The following RAPH1 variants were observed in gnomAD, a reference collection of about 807,000 sequenced individuals.
RAPH1 encodes ras-associated and pleckstrin homology domains-containing protein 1.
RAPH1 carries 18 observed loss-of-function variants against 88.1 expected under a neutral mutation model. The observed-to-expected ratio is 0.20, with a 90% CI of 0.14 to 0.30. The LOEUF is 0.30. Ranked by LOEUF, RAPH1 falls within the 10% of genes least tolerant of loss-of-function variation. The pLI, the probability that RAPH1 is intolerant of heterozygous loss-of-function variation, is 1.00. For synonymous variants in RAPH1, 587 were observed against 559.0 expected (o/e 1.05, Z -0.71); for missense variants, 1,448 against 1,543.2 (o/e 0.94, Z 1.03).
intron 4 of RAPH1, among the ~76,000 whole-genome samples, chr2:203,469,163 A>G (rs960975120): frequency 2.0e-5 from 3 of 152,220 alleles, no homozygotes; most frequent in African/African-American, 4.8e-5. Flanking sequence ...TAGAGATCCT[A>G]GCTGAAGATA....
In RAPH1 at chr2:203,434,547, G is replaced by C. The variant is rs2098496783; in HGVS notation, c.*4890C>G. 6.7e-6 allele frequency: 1 copy of C among 149,414 alleles called. No homozygotes were observed. The highest frequency in any genetic ancestry group is 1.5e-5 in the Non-Finnish European group (1 of 67,874). The allele number at this position is 149,414 out of a possible 1,614,324, so 9.3% of individuals were successfully genotyped here. On this transcript the variant is annotated 3_prime_UTR_variant, in exon 14 of 14. Transcript: ENST00000319170. ...TCCAGTTAATGCTTATTTTCTAGAA[G>C]GGGTTATTTTACAAGTAGCAAAAAA...
intron 4 of RAPH1, among the ~76,000 whole-genome samples, chr2:203,470,574 A>G (rs2098532181): frequency 6.6e-6 from 1 of 152,200 alleles, no homozygotes; most frequent in Non-Finnish European, 1.5e-5. Context: ...CTTTGGGAAA[A>G]TGGGTAGTAC....
At chr2:203,509,976 C>T (rs888030590) in intron 1 of RAPH1, among the ~76,000 whole-genome samples, 15 of 152,112 alleles carry the variant, frequency 9.9e-5, no homozygotes, top group African/African-American at 3.6e-4. Flanking sequence ...CAGATGCCAG[C>T]ATCATGCTTC....
rs2098500735 is a variant in RAPH1 at position 203,439,039 on chromosome 2, TG to T, written c.*397del. 1 of 178,058 alleles carries T rather than the reference TG, an allele frequency of 5.6e-6. No individual in the cohort carries two copies. The highest frequency in any genetic ancestry group is 2.3e-5 in the African/African-American group (1 of 42,592). The allele number at this position is 178,058 out of a possible 1,614,324, so 11.0% of individuals were successfully genotyped here. A position where few individuals can be genotyped will look rare whatever the true frequency, so the allele number is the denominator to read the frequency against. The stretch of plus-strand genomic sequence containing the variant: ...ACAACATGCACGAATAGGCTACACA[TG>T]GACAGACACTTATAAATACCTTCTA... On this transcript the variant is annotated 3_prime_UTR_variant, in exon 14 of 14. Coordinates refer to ENST00000319170, the MANE Select transcript of RAPH1 (RefSeq NM_213589.3).
chr2:203,487,443 C>T (rs1002825548), intron 4 of RAPH1, among the ~76,000 whole-genome samples: 4 of 151,142 alleles, frequency 2.6e-5, no homozygotes, highest in South Asian at 2.1e-4. Context: ...TGCAGTGGCA[C>T]GATCTTGGCT....
chr2:203,454,694 A>C (rs1185293833), intron 9 of RAPH1, among the ~76,000 whole-genome samples, 154 bp from the exon 10 acceptor site: 2 of 152,228 alleles, frequency 1.3e-5, no homozygotes, highest in African/African-American at 4.8e-5. Flanking sequence ...ATGCTCCATA[A>C]ATGTTTCTTC....
intron 1 of RAPH1, among the ~76,000 whole-genome samples, chr2:203,530,678 G>A (rs1486278544): frequency 2.0e-5 from 3 of 152,100 alleles, no homozygotes; most frequent in Non-Finnish European, 4.4e-5. Context: ...GATCACCTGA[G>A]GTCAGGAGTT....
Position 203,439,735 on chromosome 2 carries a change from G to A in RAPH1, c.3455C>T (p.Pro1152Leu), listed in dbSNP as rs771371912. The A allele has an allele frequency of 5.6e-6, 9 of 1,614,112 alleles. No homozygotes were observed. The highest frequency in any genetic ancestry group is 7.6e-6 in the Non-Finnish European group (9 of 1,180,028). ...PTMATVVPQV[P>L]TSPKSSLSVQ... ...ACTAAGGCTGGATTTGGGAGAGGTG[G>A]GCACTTGTGGCACAACTGTGGCCAT... The change falls in exon 14 of 14, where the codon CCC becomes CTC. Residue 1152 changes from proline to leucine, a missense_variant. Transcript: ENST00000319170.
At chr2:203,524,715 G>A (rs983515309) in intron 1 of RAPH1, among the ~76,000 whole-genome samples, 2 of 152,148 alleles carry the variant, frequency 1.3e-5, no homozygotes, top group Non-Finnish European at 2.9e-5. Context: ...TAAGACAGGG[G>A]TAGAGGGGGA....
At chr2:203,487,932 G>GA (rs368131817) in intron 4 of RAPH1, among the ~76,000 whole-genome samples, 11 of 149,560 alleles carry the variant, frequency 7.4e-5, no homozygotes, top group East Asian at 1.9e-4. Context: ...AATAAGTTAC[G>GA]AAAAAAAAAT....
intron 4 of RAPH1, among the ~76,000 whole-genome samples, chr2:203,478,545 A>C (rs1687580471): frequency 6.6e-6 from 1 of 151,470 alleles, no homozygotes; most frequent in South Asian, 2.1e-4. Context: ...GCTGGACTGC[A>C]GTGGCACGAT....
chr2:203,514,747 G>A (rs976514889), intron 1 of RAPH1, among the ~76,000 whole-genome samples: 2 of 151,974 alleles, frequency 1.3e-5, no homozygotes, highest in African/African-American at 4.8e-5. Flanking sequence ...GTAGAGACGA[G>A]GTTTCACCGT....
At chr2:203,499,541 G>C (rs1351226854) in intron 1 of RAPH1, among the ~76,000 whole-genome samples, 2 of 152,028 alleles carry the variant, frequency 1.3e-5, no homozygotes, top group East Asian at 1.9e-4. Flanking sequence ...GGCCAAGATA[G>C]TGAAACCCCG....
intron 4 of RAPH1, among the ~76,000 whole-genome samples, chr2:203,484,616 G>T (rs1687881982): frequency 2.0e-5 from 3 of 152,248 alleles, no homozygotes; most frequent in Admixed American, 2.0e-4. Context: ...AAGAGAAGCT[G>T]AATGCTGGGC....
In RAPH1 at chr2:203,448,939, A is replaced by T; in HGVS notation, c.1414-103T>A. On this transcript the variant is annotated intron_variant, in intron 10 of 13. Coordinates refer to ENST00000319170, the MANE Select transcript of RAPH1 (RefSeq NM_213589.3). The surrounding 1 kb of genome is among the most constrained non-coding windows in gnomAD (Gnocchi z 4.1). ...ATCCTGACAAGTTATAGGCCATTAG[A>T]GTAATGGCCAATACATTTATGCTTC... The T allele has an allele frequency of 1.7e-6, 1 of 602,014 alleles. No individual in the cohort carries two copies. The highest frequency in any genetic ancestry group is 2.8e-6 in the Non-Finnish European group (1 of 358,500). 37.3% of individuals were successfully genotyped at this position (602,014 alleles called of 1,614,324 possible). A position where few individuals can be genotyped will look rare whatever the true frequency, so the allele number is the denominator to read the frequency against.
intron 4 of RAPH1, among the ~76,000 whole-genome samples, chr2:203,485,052 G>A (rs1321370666): frequency 2.0e-5 from 3 of 152,132 alleles, no homozygotes; most frequent in African/African-American, 4.8e-5. Flanking sequence ...CCTTTTAACA[G>A]CCAATGAGGT....
At chr2:203,455,649 C>A in intron 8 of RAPH1, 69 bp from the exon 9 acceptor site, 1 of 1,423,610 alleles carries the variant, frequency 7.0e-7, no homozygotes, top group Non-Finnish European at 9.7e-7. Context: ...GTGTTTACTC[C>A]TGTGAAATGC....
Position 203,439,677 on chromosome 2 carries a change from C to G in RAPH1, c.3513G>C (p.Arg1171Ser). Residue 1171 changes from arginine to serine, a missense_variant, in exon 14 of 14, where the codon AGG (arginine) becomes AGC (serine). Arg to Ser is a moderately radical substitution (Grantham distance 110, BLOSUM62 -1). Around this residue, in one of 2 missense-constraint regions of RAPH1, gnomAD observed 935 missense variants for 890.1 expected, o/e 1.05. Coordinates refer to ENST00000319170, the MANE Select transcript of RAPH1 (RefSeq NM_213589.3). ...VQPGFLADLNRTLQRKSITRH... is the reference protein window; with the variant it reads ...VQPGFLADLNSTLQRKSITRH... ...GAGTGATGGACTTTCGTTGCAGTGT[C>G]CTGTTGAGGTCAGCCAGGAATCCAG... is the stretch of plus-strand genomic sequence containing the variant. 6.2e-7 allele frequency: 1 copy of G among 1,613,990 alleles called. No homozygotes were observed. Among genetic ancestry groups the G allele is most frequent in the Non-Finnish European group, 8.5e-7 (1 of 1,180,020 alleles).
chr2:203,482,798 G>A lies in RAPH1; in HGVS notation c.732+6786C>T, dbSNP rs148101402. 1.1e-4 allele frequency among the ~76,000 whole-genome samples: 16 copies of A among 150,468 alleles called. No individual in the cohort carries two copies. The East Asian group carries it at 2.9e-3, about 27-fold the overall frequency. ...AGCCTGGGTGACAGAACGAGAATCT[G>A]TCTCAAAAAAAACAAAACAAAACAA... On this transcript the variant is annotated intron_variant, in intron 4 of 13. Coordinates refer to ENST00000319170, the MANE Select transcript of RAPH1 (RefSeq NM_213589.3).
Sources: allele counts gnomAD v4.1 joint callset (sites outside exome capture counted in the v4.1 genomes callset), GRCh38; gene constraint gnomAD v4.1.1; regional missense constraint gnomAD v4.1.1; non-coding constraint Gnocchi (gnomAD v3.1); transcripts MANE v1.5; gene names NCBI Gene and HGNC (gene_info 2026-07-23, HGNC 2026-07-21).